NRXN1: variants seen among roughly 807,000 people sequenced by gnomAD.
The protein encoded by NRXN1 is neurexin 1.
A neutral mutation model predicts 150.9 loss-of-function variants in NRXN1; 39 were observed. That is an observed-to-expected ratio of 0.26 (90% CI 0.20 to 0.34). NRXN1 has a LOEUF of 0.34. NRXN1 is among the 10% of genes least tolerant of loss of function. The probability of loss-of-function intolerance (pLI) is 1.00; values close to 1 mark genes in which losing one functional copy is unlikely to be tolerated. For missense variants in NRXN1, 1,815 were observed against 1,949.9 expected, an observed-to-expected ratio of 0.93 and a Z score of 1.30; for synonymous variants, 924 against 757.0, an observed-to-expected ratio of 1.22 and a Z score of -3.62.
chr2:50,898,048 C>A (rs1050379393), intron 5 of NRXN1, among the ~76,000 whole-genome samples: 1 of 152,120 alleles, frequency 6.6e-6, no homozygotes, highest in African/African-American at 2.4e-5. Flanking sequence ...CCAGGTCACA[C>A]AATAATTTCC....
intron 21 of NRXN1, among the ~76,000 whole-genome samples, chr2:50,038,788 TTCC>T (rs1440746499): frequency 1.9e-3 from 181 of 96,962 alleles, no homozygotes; most frequent in African/African-American, 7.0e-3. Context: ...CCTTCCTTCC[TTCC>T]CACCCTCCCT....
intron 17 of NRXN1, among the ~76,000 whole-genome samples, chr2:50,269,871 T>C (rs2152921896): frequency 6.6e-6 from 1 of 152,292 alleles, no homozygotes; most frequent in African/African-American, 2.4e-5. Flanking sequence ...TCCTTAAATT[T>C]TACTCTAGTT....
At chr2:50,512,933 T>C (rs929108166) in intron 12 of NRXN1, among the ~76,000 whole-genome samples, 1 of 152,098 alleles carries the variant, frequency 6.6e-6, no homozygotes, top group African/African-American at 2.4e-5. Context: ...CAAATGTAGA[T>C]TCTCATATAT....
intron 18 of NRXN1, among the ~76,000 whole-genome samples, chr2:50,106,345 T>C (rs1436142296): frequency 6.6e-6 from 1 of 151,966 alleles, no homozygotes; most frequent in Non-Finnish European, 1.5e-5. Flanking sequence ...ATCATAAAGC[T>C]TATACCAGTG....
intron 17 of NRXN1, among the ~76,000 whole-genome samples, chr2:50,309,398 C>G (rs997364145): frequency 1.3e-5 from 2 of 152,102 alleles, no homozygotes; most frequent in South Asian, 2.1e-4. Flanking sequence ...CCTTGGTCTC[C>G]TTTATTTGGG....
intron 17 of NRXN1, among the ~76,000 whole-genome samples, chr2:50,264,442 A>G (rs943053769): frequency 2.0e-5 from 3 of 152,224 alleles, no homozygotes; most frequent in Non-Finnish European, 1.5e-5. Flanking sequence ...CAAAGCAATC[A>G]TTTTGAAAGA....
chr2:50,235,129 A>G (rs2065295710), intron 18 of NRXN1, among the ~76,000 whole-genome samples: 2 of 152,234 alleles, frequency 1.3e-5, no homozygotes, highest in Admixed American at 6.5e-5. Context: ...TTATTTTAGA[A>G]GGAAAAGGCC....
At position 50,539,156 on chromosome 2, in the gene NRXN1, T is replaced by G. The variant is rs560139570; in HGVS notation, c.1760-520A>C. 2.7e-5 allele frequency among the ~76,000 whole-genome samples: 4 copies of G among 145,860 alleles called. No individual in the cohort carries two copies. In the South Asian group the frequency reaches 8.6e-4, roughly 31 times the overall value. ...ACTCCTAGCTGTATAAACCTATTGA[T>G]TAACTTACATAGTTTTGTTTCCCTT... On this transcript the variant is annotated intron_variant, in intron 9 of 22. Coordinates refer to ENST00000401669, the MANE Select transcript of NRXN1 (RefSeq NM_001330078.2).
intron 5 of NRXN1, among the ~76,000 whole-genome samples, chr2:50,685,614 T>C (rs185993107): frequency 2.7e-4 from 41 of 152,280 alleles, no homozygotes; most frequent in Non-Finnish European, 4.7e-4. Flanking sequence ...CCAATGAGTA[T>C]AGGATCCCTT....
At chr2:50,913,215 G>T (rs564268722) in intron 5 of NRXN1, among the ~76,000 whole-genome samples, 138 of 151,924 alleles carry the variant, frequency 9.1e-4, no homozygotes, top group Non-Finnish European at 1.8e-3. Flanking sequence ...TTTAGAGGAA[G>T]ATTTCTGGCA....
chr2:51,012,262 C>T (rs1272558312), intron 2 of NRXN1, among the ~76,000 whole-genome samples: 2 of 151,880 alleles, frequency 1.3e-5, no homozygotes, highest in African/African-American at 4.8e-5. Context: ...ATTCTAATGC[C>T]TTAGTGCAAA....
intron 17 of NRXN1, among the ~76,000 whole-genome samples, chr2:50,403,221 T>C (rs2082515149): frequency 6.6e-6 from 1 of 152,094 alleles, no homozygotes; most frequent in African/African-American, 2.4e-5. Context: ...AGGTCTCTAC[T>C]GGTTGGTAAA....
intron 18 of NRXN1, among the ~76,000 whole-genome samples, chr2:50,197,572 G>C: frequency 6.6e-6 from 1 of 152,082 alleles, no homozygotes; most frequent in South Asian, 2.1e-4. Flanking sequence ...GCTTTAAAAA[G>C]TTTTATTTTT....
At chr2:50,798,774 C>G (rs577353023) in intron 5 of NRXN1, among the ~76,000 whole-genome samples, 1 of 152,178 alleles carries the variant, frequency 6.6e-6, no homozygotes, top group East Asian at 1.9e-4. Context: ...CTCTTTTGAG[C>G]AATAGTTTAC....
Position 50,401,957 on chromosome 2 carries a change from A to G in NRXN1, c.3364+63485T>C, listed in dbSNP as rs561648619. 3.9e-5 allele frequency among the ~76,000 whole-genome samples: 6 copies of G among 152,144 alleles called. No homozygotes were observed. In the East Asian group the frequency reaches 7.8e-4, roughly 20 times the overall value. On this transcript the variant is annotated intron_variant, in intron 17 of 22. Coordinates refer to ENST00000401669, the MANE Select transcript of NRXN1 (RefSeq NM_001330078.2). ...GGAAGTGACCTCTCTTCCCCTATTGACCTGGGAAGGGGCAGAAAAATCCCA... is the reference window on the plus strand; with the variant it reads ...GGAAGTGACCTCTCTTCCCCTATTGGCCTGGGAAGGGGCAGAAAAATCCCA...
chr2:50,003,791 T>A (rs1684323142), intron 21 of NRXN1, among the ~76,000 whole-genome samples: 1 of 152,290 alleles, frequency 6.6e-6, no homozygotes, highest in South Asian at 2.1e-4. Flanking sequence ...TGAGGAGCTA[T>A]GGGGAAGAAA....
intron 5 of NRXN1, among the ~76,000 whole-genome samples, chr2:50,907,405 T>C (rs1431712462): frequency 6.6e-6 from 1 of 152,114 alleles, no homozygotes; most frequent in Non-Finnish European, 1.5e-5. Context: ...TTTGTTATAC[T>C]TTTCTCTTGT....
At chr2:50,101,096 G>T (rs1233813017) in intron 18 of NRXN1, among the ~76,000 whole-genome samples, 3 of 151,866 alleles carry the variant, frequency 2.0e-5, no homozygotes, top group African/African-American at 7.2e-5. Context: ...ACTTGTTTTT[G>T]TTCATTTTTT....
At position 50,085,834 on chromosome 2, in the gene NRXN1, C is replaced by G. The variant is rs546284140; in HGVS notation, c.3718+5489G>C. ...ATCGACTGATACAGTTAGGATCAAT[C>G]ATGTAAGTAATAACATTTAGTTATG... On this transcript the variant is annotated intron_variant, in intron 19 of 22. Coordinates refer to ENST00000401669, the MANE Select transcript of NRXN1 (RefSeq NM_001330078.2). 3.3e-5 allele frequency among the ~76,000 whole-genome samples: 5 copies of G among 152,194 alleles called. No homozygotes were observed. In the East Asian group the frequency reaches 9.6e-4, roughly 29 times the overall value.
Sources: gnomAD v4.1 joint callset for allele counts (sites outside exome capture counted in the v4.1 genomes callset) on GRCh38, gnomAD v4.1.1 for gene constraint, MANE v1.5 for transcripts, NCBI Gene and HGNC (gene_info 2026-07-23, HGNC 2026-07-21) for gene names.